Variants in RIT2 observed in about 807,000 individuals in gnomAD.
The protein encoded by RIT2 is Ras like without CAAX 2, also known as GTP-binding protein Rit2.
RIT2 carries 24 observed loss-of-function variants against 23.7 expected under a neutral mutation model. That is an observed-to-expected ratio of 1.01 (90% CI 0.73 to 1.43). The LOEUF (loss-of-function observed/expected upper bound fraction) is 1.43, where lower values mean the gene tolerates loss of function less well. RIT2 is among the 40% of genes most tolerant of loss of function. The pLI, the probability that RIT2 is intolerant of heterozygous loss-of-function variation, is 0.00. For synonymous variants in RIT2, 107 were observed against 91.1 expected, an observed-to-expected ratio of 1.17 and a Z score of -0.99; for missense variants, 236 against 266.9, an observed-to-expected ratio of 0.88 and a Z score of 0.81.
At chr18:43,021,347 G>A (rs1332369548) in intron 2 of RIT2, among the ~76,000 whole-genome samples, 1 of 151,990 alleles carries the variant, frequency 6.6e-6, no homozygotes, top group East Asian at 1.9e-4. Context: ...ATCTTACCCT[G>A]GTTAGAATAA....
intron 3 of RIT2, among the ~76,000 whole-genome samples, chr18:42,948,433 T>C (rs1909776360): frequency 6.6e-6 from 1 of 152,040 alleles, no homozygotes; most frequent in Non-Finnish European, 1.5e-5. Flanking sequence ...GTACCAGTAT[T>C]CATCCTAGGG....
In RIT2 at chr18:43,031,862, T is replaced by C. The variant is rs184947969; in HGVS notation, c.160+1949A>G. 7.2e-5 allele frequency among the ~76,000 whole-genome samples: 11 copies of C among 152,200 alleles called. No homozygotes were observed. In the East Asian group the frequency reaches 2.1e-3, roughly 30 times the overall value. On this transcript the variant is annotated intron_variant, in intron 2 of 4. Coordinates refer to ENST00000326695, the MANE Select transcript of RIT2 (RefSeq NM_002930.4). ...GTATCCTTGATAGGTGTTATTCTTTTATAATTTGAATGATTTTCAAACTGT... is the reference window on the plus strand; with the variant it reads ...GTATCCTTGATAGGTGTTATTCTTTCATAATTTGAATGATTTTCAAACTGT...
intron 2 of RIT2, among the ~76,000 whole-genome samples, chr18:43,028,747 T>C (rs1280635835): frequency 1.3e-5 from 2 of 151,934 alleles, no homozygotes; most frequent in African/African-American, 2.4e-5. Flanking sequence ...AATAATTGGA[T>C]ACATTAATCT....
chr18:42,974,231 A>G (rs1236086600), intron 2 of RIT2, 84 bp from the exon 3 acceptor site: 56 of 838,462 alleles, frequency 6.7e-5, no homozygotes, highest in Non-Finnish European at 1.9e-6. Context: ...AAGAATTTCT[A>G]AGTAAGTTAC....
intron 1 of RIT2, among the ~76,000 whole-genome samples, chr18:43,077,112 A>G (rs1913044589): frequency 6.6e-6 from 1 of 150,634 alleles, no homozygotes. Flanking sequence ...CAAAAAAAAA[A>G]AAAAAAAAAA....
intron 4 of RIT2, among the ~76,000 whole-genome samples, chr18:42,846,675 A>G (rs1420347725): frequency 1.3e-5 from 2 of 152,144 alleles, no homozygotes; most frequent in Admixed American, 6.6e-5. Flanking sequence ...GAACAGAAGA[A>G]GGAAGAAAAA....
intron 4 of RIT2, among the ~76,000 whole-genome samples, chr18:42,871,944 G>C (rs1399490199): frequency 6.6e-6 from 1 of 152,138 alleles, no homozygotes; most frequent in Non-Finnish European, 1.5e-5. Context: ...GTATGTCAGG[G>C]ATGTGAACAT....
chr18:42,998,359 C>T (rs1030621069), intron 2 of RIT2, among the ~76,000 whole-genome samples: 2 of 152,094 alleles, frequency 1.3e-5, no homozygotes, highest in African/African-American at 2.4e-5. Flanking sequence ...AGTAGAGATG[C>T]CTATAAATTC....
intron 3 of RIT2, among the ~76,000 whole-genome samples, chr18:42,951,093 T>C (rs764671345): frequency 5.9e-5 from 9 of 152,060 alleles, no homozygotes; most frequent in Non-Finnish European, 1.2e-4. Context: ...AACAAATCTT[T>C]CTACCAAAAA....
rs572401027 is a variant in RIT2 at position 43,089,376 on chromosome 18, G to A, written c.103+26041C>T. On this transcript the variant is annotated intron_variant, in intron 1 of 4. Coordinates refer to ENST00000326695, the MANE Select transcript of RIT2 (RefSeq NM_002930.4). The stretch of plus-strand genomic sequence containing the variant: ...TAGGAATACAGCTAACCAGAAAGGT[G>A]AAAGATCTCTACAATGAGAACTACA... Among the ~76,000 whole-genome samples, 18 of 152,092 alleles carry A rather than the reference G, an allele frequency of 1.2e-4. 1 individual carries two copies. The South Asian group carries it at 1.2e-3, about 11-fold the overall frequency.
At chr18:43,039,912 G>A (rs1912087985) in intron 1 of RIT2, among the ~76,000 whole-genome samples, 1 of 152,060 alleles carries the variant, frequency 6.6e-6, no homozygotes, top group Non-Finnish European at 1.5e-5. Flanking sequence ...GGAGAATTTA[G>A]GTCAAATATG....
In RIT2 at chr18:42,777,968, T is replaced by C. The variant is rs749800453; in HGVS notation, c.427-34248A>G. 1.6e-3 allele frequency among the ~76,000 whole-genome samples: 239 copies of C among 152,292 alleles called. 4 individuals are homozygous for C. Among genetic ancestry groups the C allele is most frequent in the Non-Finnish European group, 6.5e-4 (44 of 68,010 alleles). On this transcript the variant is annotated intron_variant, in intron 4 of 4. Transcript: ENST00000326695. ...AACACTTGCAACATAGTAACTCCAA[T>C]TTGGCACATCATTTATCCTATTGAT...
chr18:42,913,147 G>C (rs1249364033), intron 4 of RIT2, among the ~76,000 whole-genome samples: 1 of 150,094 alleles, frequency 6.7e-6, no homozygotes, highest in African/African-American at 2.5e-5. Flanking sequence ...CAATAAAAAG[G>C]GAAAAGACTC....
At chr18:42,769,876 AAT>A (rs1913509006) in intron 4 of RIT2, among the ~76,000 whole-genome samples, 2 of 147,918 alleles carry the variant, frequency 1.4e-5, no homozygotes, top group African/African-American at 2.5e-5. Flanking sequence ...TAATAATAAT[AAT>A]AAAGATATAC....
intron 2 of RIT2, among the ~76,000 whole-genome samples, chr18:43,001,056 A>G (rs1457131307): frequency 6.6e-6 from 1 of 152,008 alleles, no homozygotes; most frequent in Non-Finnish European, 1.5e-5. Flanking sequence ...ATTTCATTCT[A>G]TTTCATTTCA....
intron 1 of RIT2, among the ~76,000 whole-genome samples, chr18:43,101,759 C>A (rs2144238853): frequency 6.6e-6 from 1 of 152,212 alleles, no homozygotes; most frequent in Middle Eastern, 3.4e-3. Flanking sequence ...TTTCAATTTG[C>A]TTTTCTGTGA....
intron 4 of RIT2, among the ~76,000 whole-genome samples, chr18:42,786,165 C>T (rs1913918374): frequency 6.6e-6 from 1 of 152,022 alleles, no homozygotes; most frequent in East Asian, 2.0e-4. Flanking sequence ...ATATAACTGG[C>T]AAGGAGGCTC....
At chr18:43,028,569 T>A (rs1018064137) in intron 2 of RIT2, among the ~76,000 whole-genome samples, 2 of 152,022 alleles carry the variant, frequency 1.3e-5, no homozygotes, top group Admixed American at 6.6e-5. Flanking sequence ...CCAGAGTCAT[T>A]AATAAATATA....
intron 1 of RIT2, among the ~76,000 whole-genome samples, chr18:43,108,181 A>AAG (rs1913874261): frequency 6.6e-6 from 1 of 152,086 alleles, no homozygotes; most frequent in African/African-American, 2.4e-5. Flanking sequence ...TCTCAAAAAA[A>AAG]AAAAAAATGC....
Sources: gnomAD v4.1 joint callset for allele counts (sites outside exome capture counted in the v4.1 genomes callset) on GRCh38, gnomAD v4.1.1 for gene constraint, MANE v1.5 for transcripts, NCBI Gene and HGNC (gene_info 2026-07-23, HGNC 2026-07-21) for gene names.